The following OGDHL variants were observed in gnomAD, a reference collection of about 807,000 sequenced individuals.
OGDHL encodes 2-oxoglutarate dehydrogenase-like, mitochondrial.
In OGDHL, 79 loss-of-function variants were observed where a neutral mutation model predicts 109.6. The ratio of observed to expected loss-of-function variants is 0.72; its 90% CI spans 0.60 to 0.87. OGDHL has a LOEUF of 0.87. Among genes scored for constraint, OGDHL ranks in the 40% least tolerant of loss-of-function variants. OGDHL has a pLI of 0.00. For synonymous variants in OGDHL, 528 were observed against 537.2 expected (o/e 0.98, Z 0.24); for missense variants, 1,275 against 1,362.2 (o/e 0.94, Z 1.01).
At chr10:49,762,041 G>A (rs999980420) in intron 1 of OGDHL, among the ~76,000 whole-genome samples, 198 bp downstream of exon 1, 19 of 152,284 alleles carry the variant, frequency 1.2e-4, no homozygotes, top group African/African-American at 3.4e-4. Context: ...TGGGGGTCCC[G>A]GGGGAGGCCA....
At position 49,737,876 on chromosome 10, in the gene OGDHL, G is replaced by A. The variant is rs910362478; in HGVS notation, c.2518-18C>T. 36 of 1,614,028 alleles carry A rather than the reference G, an allele frequency of 2.2e-5. No individual in the cohort carries two copies. The highest frequency in any genetic ancestry group is 9.3e-5 in the African/African-American group (7 of 74,920). ...ATAATCAGCTGGAAGGGAAATACAC[G>A]CCCAGCTGCCAGCTGGCCCTGCCTG... On this transcript the variant is annotated intron_variant, in intron 19 of 22. Coordinates refer to ENST00000374103, the MANE Select transcript of OGDHL (RefSeq NM_018245.3).
Position 49,739,536 on chromosome 10 carries a change from AC to A in OGDHL, c.2319+124del. On this transcript the variant is annotated intron_variant, in intron 17 of 22. Transcript: ENST00000374103. ...CATGTGCAGACCCCACCCTGCACAG[AC>A]CCACGTGCTCCAGGGGCCTGGAAGG... 3.4e-6 allele frequency: 4 copies of A among 1,178,942 alleles called. No homozygotes were observed. The Admixed American group carries it at 1.1e-4, about 32-fold the overall frequency. 73.0% of individuals were successfully genotyped at this position (1,178,942 alleles called of 1,614,324 possible). A position where few individuals can be genotyped will look rare whatever the true frequency, so the allele number is the denominator to read the frequency against.
At chr10:49,744,212 T>C in intron 13 of OGDHL, 90 bp from the exon 14 acceptor site, 1 of 1,508,896 alleles carries the variant, frequency 6.6e-7, no homozygotes, top group Non-Finnish European at 8.9e-7. Context: ...GAGTGGCCCA[T>C]GGCTTCCCAA....
chr10:49,745,525 C>T (rs777104739), intron 11 of OGDHL, 29 bp from the exon 12 acceptor site: 5 of 1,612,214 alleles, frequency 3.1e-6, no homozygotes, highest in Admixed American at 3.3e-5. Context: ...GGGCTCAGGC[C>T]CTTCCCTACG....
intron 1 of OGDHL, among the ~76,000 whole-genome samples, chr10:49,760,770 G>A (rs1055323917): frequency 2.6e-5 from 4 of 152,238 alleles, no homozygotes; most frequent in African/African-American, 7.2e-5. Flanking sequence ...ACAGGGCTGT[G>A]TGGGGTTCCA....
At chr10:49,758,334 GC>G in intron 2 of OGDHL, 54 bp downstream of exon 2, 1 of 1,536,792 alleles carries the variant, frequency 6.5e-7, no homozygotes. Flanking sequence ...CCACAGCCCG[GC>G]CCCCGAGGGC....
chr10:49,754,754 T>C (rs1842817966), intron 3 of OGDHL, among the ~76,000 whole-genome samples: 1 of 151,196 alleles, frequency 6.6e-6, no homozygotes, highest in South Asian at 2.1e-4. Context: ...CATGGGACAA[T>C]GGGACAGATG....
At chr10:49,743,241 T>C (rs556087077) in intron 14 of OGDHL, among the ~76,000 whole-genome samples, 77 of 152,316 alleles carry the variant, frequency 5.1e-4, no homozygotes, top group Non-Finnish European at 6.5e-4. Context: ...TCAGAGTCAT[T>C]TACTCAGATC....
chr10:49,759,440 A>T (rs551097728), intron 1 of OGDHL, among the ~76,000 whole-genome samples: 1 of 152,088 alleles, frequency 6.6e-6, no homozygotes, highest in African/African-American at 2.4e-5. Context: ...TCACTCTGTC[A>T]CCTGTGCCTT....
At chr10:49,738,288 G>A (rs780925329) in intron 17 of OGDHL, 26 bp from the exon 18 acceptor site, 6 of 1,611,474 alleles carry the variant, frequency 3.7e-6, no homozygotes, top group Non-Finnish European at 5.1e-6. Flanking sequence ...AGACAGCCAA[G>A]GCTGGACCCC....
intron 5 of OGDHL, 25 bp downstream of exon 5, chr10:49,752,108 A>G: frequency 6.2e-7 from 1 of 1,609,170 alleles, no homozygotes; most frequent in Middle Eastern, 1.7e-4. Context: ...CTTCAGCTGC[A>G]CCCCACACAC....
At position 49,747,048 on chromosome 10, in the gene OGDHL, C is replaced by A. The variant is rs1030097619; in HGVS notation, c.1148G>T (p.Gly383Val). 6.2e-7 allele frequency: 1 copy of A among 1,614,060 alleles called. No homozygotes were observed. Among genetic ancestry groups the A allele is most frequent in the African/African-American group, 1.3e-5 (1 of 74,946 alleles). Residue 383 changes from glycine (G) to valine (V), a missense_variant, in exon 9 of 23, where the codon GGA becomes GTA. Physicochemically the swap from Gly to Val is moderately radical, Grantham distance 109. Transcript: ENST00000374103. ...GKTKAEQFYR[G>V]DAQGKKVMSI... ...GCTCACCTTCTTGCCCTGGGCATCT[C>A]CACGGTAGAACTGCTCTGCCTTTGT... is the stretch of plus-strand genomic sequence containing the variant.
Position 49,743,974 on chromosome 10 carries a change from A to T in OGDHL, c.1861+20T>A, listed in dbSNP as rs1165851327. 3.1e-6 allele frequency: 5 copies of T among 1,608,988 alleles called. No homozygotes were observed. In the Admixed American group the frequency reaches 8.4e-5, roughly 27 times the overall value. On this transcript the variant is annotated intron_variant, in intron 14 of 22. Coordinates refer to ENST00000374103, the MANE Select transcript of OGDHL (RefSeq NM_018245.3). ...GGGTGGGGCCAGCAGCCTGGGCTGCAGCCTGTCCAGCAACCTCACCAGTGT... is the reference window on the plus strand; with the variant it reads ...GGGTGGGGCCAGCAGCCTGGGCTGCTGCCTGTCCAGCAACCTCACCAGTGT...
Position 49,735,352 on chromosome 10 carries a change from C to A in OGDHL, c.2910-1G>T. On this transcript the variant is annotated splice_acceptor_variant, in intron 22 of 22. Coordinates refer to ENST00000374103, the MANE Select transcript of OGDHL (RefSeq NM_018245.3). LOFTEE classifies it high-confidence loss of function. ...AGCCGCTGGGTCCCGGCCAACATACCTGGAGGAGGAGAGACAAGCTAAGGG... is the reference window on the plus strand; with the variant it reads ...AGCCGCTGGGTCCCGGCCAACATACATGGAGGAGGAGAGACAAGCTAAGGG... 1 of 1,612,320 alleles carries A rather than the reference C, an allele frequency of 6.2e-7. No individual in the cohort carries two copies. Among genetic ancestry groups the A allele is most frequent in the Non-Finnish European group, 8.5e-7 (1 of 1,179,580 alleles).
Position 49,736,103 on chromosome 10 carries a change from C to T in OGDHL, c.2829G>A (p.Gln943=), listed in dbSNP as rs762533105. 7 of 1,612,580 alleles carry T rather than the reference C, an allele frequency of 4.3e-6. No homozygotes were observed. The Admixed American group carries it at 1.2e-4, about 27-fold the overall frequency. The part of the protein sequence containing the change: ...KYPGAELAWC[Q]EEHKNMGYYD... ...AGTAGCCCATGTTCTTGTGCTCCTC[C>T]TGACACCAGGCCAGCTCCGCACCTG... is the stretch of plus-strand genomic sequence containing the variant. Residue 943 remains glutamine (Q), a synonymous_variant, in exon 22 of 23, where the codon CAG becomes CAA. Coordinates refer to ENST00000374103, the MANE Select transcript of OGDHL (RefSeq NM_018245.3).
chr10:49,736,014 ACCATGTACCATATGGGCCGTGCGCGC>A lies in OGDHL; in HGVS notation c.2892_2909+8del. 1 of 1,564,240 alleles carries A rather than the reference ACCATGTACCATATGGGCCGTGCGCGC, an allele frequency of 6.4e-7. No homozygotes were observed. Among genetic ancestry groups the A allele is most frequent in the South Asian group, 1.2e-5 (1 of 81,280 alleles). On this transcript the variant is annotated splice_donor_variant and splice_donor_5th_base_variant and coding_sequence_variant and intron_variant, in exon 22 of 23. Coordinates refer to ENST00000374103, the MANE Select transcript of OGDHL (RefSeq NM_018245.3). LOFTEE classifies it high-confidence loss of function. ...GAGGTGAGGGGCAATCAGCGGCCCC[ACCATGTACCATATGGGCCGTGCGCGC>A]CTCAGGATGGTCATGAAGCGTGGGC...
intron 6 of OGDHL, among the ~76,000 whole-genome samples, 200 bp downstream of exon 6, chr10:49,751,627 T>C (rs1166270101): frequency 6.6e-6 from 1 of 152,192 alleles, no homozygotes; most frequent in African/African-American, 2.4e-5. Context: ...CCTGCCCACC[T>C]GACCTGCTCT....
At chr10:49,756,746 C>T (rs1255882487) in intron 3 of OGDHL, 30 bp downstream of exon 3, 2 of 1,599,804 alleles carry the variant, frequency 1.3e-6, no homozygotes, top group Admixed American at 3.4e-5. Flanking sequence ...CCAGTGCAGC[C>T]TCCCAGGCTG....
intron 1 of OGDHL, among the ~76,000 whole-genome samples, chr10:49,759,782 T>A (rs927022481): frequency 2.6e-5 from 4 of 152,188 alleles, no homozygotes; most frequent in Non-Finnish European, 4.4e-5. Context: ...GCCCAGCTTG[T>A]AAGCTGGGTG....
Sources: allele counts gnomAD v4.1 joint callset (sites outside exome capture counted in the v4.1 genomes callset), GRCh38; gene constraint gnomAD v4.1.1; transcripts MANE v1.5; gene names NCBI Gene and HGNC (gene_info 2026-07-23, HGNC 2026-07-21).